Variants in ADAM12 observed in about 807,000 individuals in gnomAD.
The protein encoded by ADAM12 is ADAM metallopeptidase domain 12, also known as disintegrin and metalloproteinase domain-containing protein 12.
ADAM12 carries 70 observed loss-of-function variants against 106.4 expected under a neutral mutation model. The observed-to-expected ratio is 0.66, with a 90% CI of 0.54 to 0.80. The LOEUF (loss-of-function observed/expected upper bound fraction) is 0.80, where lower values mean the gene tolerates loss of function less well. Among genes scored for constraint, ADAM12 ranks in the 30% least tolerant of loss-of-function variants. The probability of loss-of-function intolerance (pLI) is 0.00; values close to 1 mark genes in which losing one functional copy is unlikely to be tolerated. For missense variants in ADAM12, 1,010 were observed against 1,171.9 expected (o/e 0.86, Z 2.02); for synonymous variants, 420 against 433.5 (o/e 0.97, Z 0.39).
chr10:126,210,698 T>A (rs1957884915), intron 3 of ADAM12, among the ~76,000 whole-genome samples: 1 of 152,170 alleles, frequency 6.6e-6, no homozygotes, highest in South Asian at 2.1e-4. Context: ...TTCAGCCATA[T>A]GCCTAGGGAA....
At chr10:126,190,124 T>C (rs562720639) in intron 3 of ADAM12, among the ~76,000 whole-genome samples, 1 of 152,198 alleles carries the variant, frequency 6.6e-6, no homozygotes, top group Non-Finnish European at 1.5e-5. Flanking sequence ...CCCATCTGTC[T>C]ATCCAGCCTT....
rs563475989 is a variant in ADAM12, at chr10:126,329,432, T to C, written c.186+980A>G. Among the ~76,000 whole-genome samples the C allele has an allele frequency of 4.2e-4, 64 of 152,354 alleles. 1 individual carries two copies. In the South Asian group the frequency reaches 0.013, roughly 30 times the overall value. On this transcript the variant is annotated intron_variant, in intron 2 of 22. Coordinates refer to ENST00000448723, the MANE Select transcript of ADAM12 (RefSeq NM_001288973.2). ...TTTTTAATTTTGCTGACCAATAGCATGATGGAATTTTCTTTAATATCTTAA... is the reference window on the plus strand; with the variant it reads ...TTTTTAATTTTGCTGACCAATAGCACGATGGAATTTTCTTTAATATCTTAA...
intron 2 of ADAM12, among the ~76,000 whole-genome samples, chr10:126,322,062 C>A (rs1854121259): frequency 6.6e-6 from 1 of 152,164 alleles, no homozygotes; most frequent in African/African-American, 2.4e-5. Flanking sequence ...TTGGTTCAGC[C>A]TGCAAGCTAA....
intron 1 of ADAM12, among the ~76,000 whole-genome samples, chr10:126,368,548 A>G (rs1855996155): frequency 6.6e-6 from 1 of 152,088 alleles, no homozygotes. Context: ...CACTGAAACT[A>G]TCCATTGTGG....
chr10:126,360,883 A>G (rs1309641129), intron 1 of ADAM12, among the ~76,000 whole-genome samples: 1 of 152,232 alleles, frequency 6.6e-6, no homozygotes, highest in South Asian at 2.1e-4. Context: ...TTACAAAAGA[A>G]AGAGGTTTAA....
intron 8 of ADAM12, among the ~76,000 whole-genome samples, chr10:126,105,323 G>A (rs1448401490): frequency 6.6e-6 from 1 of 152,006 alleles, no homozygotes; most frequent in Non-Finnish European, 1.5e-5. Context: ...TTTAAAATGG[G>A]GCTTCAGCAA....
intron 10 of ADAM12, among the ~76,000 whole-genome samples, chr10:126,096,117 C>A (rs1372265495): frequency 1.3e-5 from 2 of 152,168 alleles, no homozygotes; most frequent in African/African-American, 4.8e-5. Flanking sequence ...AGGAAGTTTA[C>A]AAATATGTTT....
intron 1 of ADAM12, among the ~76,000 whole-genome samples, chr10:126,370,145 G>A (rs780983150): frequency 9.9e-5 from 15 of 152,164 alleles, no homozygotes; most frequent in Non-Finnish European, 2.2e-4. Flanking sequence ...CTTTGAATGA[G>A]ATCCAGTCCT....
At chr10:126,137,824 A>T (rs1009425672) in intron 4 of ADAM12, among the ~76,000 whole-genome samples, 5 of 152,238 alleles carry the variant, frequency 3.3e-5, no homozygotes, top group African/African-American at 1.2e-4. Flanking sequence ...GACTATTATG[A>T]GTAACGTTAC....
intron 19 of ADAM12, 43 bp from the exon 20 acceptor site, chr10:126,038,392 T>C: frequency 6.9e-7 from 1 of 1,452,596 alleles, no homozygotes; most frequent in African/African-American, 1.4e-5. Context: ...GTGTTTCCCC[T>C]TCTCACTGAC....
chr10:126,041,666 T>C, intron 18 of ADAM12: 1 of 991,078 alleles, frequency 1.0e-6, no homozygotes, highest in Non-Finnish European at 1.2e-6. Flanking sequence ...ATATAATAAA[T>C]GCTAAAAGCC....
chr10:126,057,839 A>C (rs187030257), intron 14 of ADAM12, among the ~76,000 whole-genome samples: 15 of 152,324 alleles, frequency 9.8e-5, no homozygotes, highest in Middle Eastern at 3.4e-3. Context: ...TGTTTTGTTG[A>C]ACACCTCTCC....
intron 3 of ADAM12, among the ~76,000 whole-genome samples, chr10:126,246,248 T>C (rs74629629): frequency 0.072 from 11,001 of 152,250 alleles, 511 homozygotes; most frequent in East Asian, 0.13. Flanking sequence ...GACTGAGATA[T>C]TGATCTGTGG....
chr10:126,101,449 T>C (rs552939453), intron 8 of ADAM12, among the ~76,000 whole-genome samples: 42 of 152,360 alleles, frequency 2.8e-4, no homozygotes, highest in East Asian at 7.7e-4. Context: ...TTCTCGAAGA[T>C]TGACCAATTA....
chr10:126,271,493 T>G (rs1037805244), intron 3 of ADAM12, among the ~76,000 whole-genome samples: 1 of 152,188 alleles, frequency 6.6e-6, no homozygotes, highest in Non-Finnish European at 1.5e-5. Flanking sequence ...AAAGACTGAA[T>G]TTTGGTGGAG....
intron 5 of ADAM12, among the ~76,000 whole-genome samples, chr10:126,122,458 C>T (rs540748866): frequency 3.9e-5 from 6 of 152,120 alleles, no homozygotes; most frequent in African/African-American, 1.4e-4. Flanking sequence ...AGGATGCGAA[C>T]TTAAAAAAAT....
intron 14 of ADAM12, among the ~76,000 whole-genome samples, chr10:126,059,508 G>A (rs958398581): frequency 3.9e-5 from 6 of 152,168 alleles, no homozygotes; most frequent in Non-Finnish European, 8.8e-5. Flanking sequence ...TAAACAATAA[G>A]ACTTCTGGCA....
At chr10:126,214,300 C>T (rs541473226) in intron 3 of ADAM12, among the ~76,000 whole-genome samples, 1 of 152,306 alleles carries the variant, frequency 6.6e-6, no homozygotes, top group South Asian at 2.1e-4. Flanking sequence ...TCAAGTCCCT[C>T]CCCTCCCTCT....
intron 3 of ADAM12, among the ~76,000 whole-genome samples, chr10:126,238,103 A>G (rs556003578): frequency 1.1e-3 from 174 of 152,368 alleles, no homozygotes; most frequent in South Asian, 5.0e-3. Context: ...TTTATTTGTA[A>G]AAGTGCAACT....
Sources: allele counts gnomAD v4.1 joint callset (sites outside exome capture counted in the v4.1 genomes callset), GRCh38; gene constraint gnomAD v4.1.1; transcripts MANE v1.5; gene names NCBI Gene and HGNC (gene_info 2026-07-23, HGNC 2026-07-21).